LEKR1: variants seen among roughly 807,000 people sequenced by gnomAD.
LEKR1 encodes leucine, glutamate and lysine rich 1.
A neutral mutation model predicts 72.4 loss-of-function variants in LEKR1; 59 were observed. That is an observed-to-expected ratio of 0.82 (90% CI 0.66 to 1.01). The LOEUF (loss-of-function observed/expected upper bound fraction) is 1.01. Among genes scored for constraint, LEKR1 ranks in the 50% least tolerant of loss-of-function variants. The pLI is 0.00. For missense variants in LEKR1, 728 were observed against 759.2 expected (o/e 0.96, Z 0.48); for synonymous variants, 257 against 263.2 (o/e 0.98, Z 0.23).
chr3:156,941,582 G>T (rs115024604), intron 5 of LEKR1, among the ~76,000 whole-genome samples: 1 of 151,974 alleles, frequency 6.6e-6, no homozygotes, highest in Non-Finnish European at 1.5e-5. Context: ...TTGACATCTC[G>T]TCACATGTTG....
chr3:156,977,892 A>T (rs895987626), intron 6 of LEKR1: 1 of 174,106 alleles, frequency 5.7e-6, no homozygotes, highest in African/African-American at 2.4e-5. Flanking sequence ...TCCCACCATT[A>T]TCTATCACAC....
intron 3 of LEKR1, among the ~76,000 whole-genome samples, chr3:156,905,928 C>G (rs1010935914): frequency 6.6e-6 from 1 of 152,096 alleles, no homozygotes; most frequent in African/African-American, 2.4e-5. Context: ...ATACCTTTGC[C>G]TGTCCGACCT....
chr3:157,037,344 A>T lies in LEKR1; in HGVS notation c.1669-7996A>T, dbSNP rs550477242. Among the ~76,000 whole-genome samples, 5 of 152,302 alleles carry T rather than the reference A, an allele frequency of 3.3e-5. 1 individual carries two copies. Among genetic ancestry groups the T allele is most frequent in the African/African-American group, 1.2e-4 (5 of 41,566 alleles). ...TAGCTATATGTAATCCATTAATTTT[A>T]AAAAATTAAAAATAATAGAAAGGAA... On this transcript the variant is annotated intron_variant, in intron 12 of 12. Coordinates refer to ENST00000356539, the MANE Select transcript of LEKR1 (RefSeq NM_001004316.3).
intron 12 of LEKR1, among the ~76,000 whole-genome samples, chr3:157,042,616 G>A (rs1474216715): frequency 1.3e-5 from 2 of 152,148 alleles, no homozygotes; most frequent in South Asian, 2.1e-4. Context: ...CTTTTTGGTT[G>A]TTTTCTCCAG....
intron 7 of LEKR1, among the ~76,000 whole-genome samples, chr3:156,989,086 C>A (rs971897218): frequency 6.6e-6 from 1 of 152,154 alleles, no homozygotes; most frequent in African/African-American, 2.4e-5. Flanking sequence ...TGCCTTGGCT[C>A]CCAAAGTGCT....
intron 3 of LEKR1, 109 bp from the exon 4 acceptor site, chr3:156,920,466 C>A: frequency 1.5e-6 from 1 of 678,730 alleles, no homozygotes; most frequent in Non-Finnish European, 2.4e-6. Context: ...ATATAAGAGA[C>A]ATAGTTTCTT....
intron 10 of LEKR1, among the ~76,000 whole-genome samples, chr3:157,015,478 C>CA (rs1210249760): frequency 6.6e-6 from 1 of 152,110 alleles, no homozygotes; most frequent in Non-Finnish European, 1.5e-5. Context: ...TCTTGCATCA[C>CA]AAGTTGAGAA....
chr3:157,010,219 T>C (rs969463796), intron 9 of LEKR1, among the ~76,000 whole-genome samples: 3 of 152,032 alleles, frequency 2.0e-5, no homozygotes, highest in African/African-American at 7.2e-5. Flanking sequence ...ATTACAACTC[T>C]GATATTTTTT....
intron 3 of LEKR1, among the ~76,000 whole-genome samples, chr3:156,864,577 T>G (rs1456842003): frequency 6.6e-6 from 1 of 152,056 alleles, no homozygotes; most frequent in African/African-American, 2.4e-5. Flanking sequence ...GACTTACTGC[T>G]TTCATTTTCT....
At chr3:156,941,858 C>A (rs1319325107) in intron 5 of LEKR1, among the ~76,000 whole-genome samples, 1 of 151,930 alleles carries the variant, frequency 6.6e-6, no homozygotes, top group Non-Finnish European at 1.5e-5. Flanking sequence ...CCATGCATTT[C>A]TCATGAAATT....
At chr3:156,911,158 A>G (rs954246261) in intron 3 of LEKR1, among the ~76,000 whole-genome samples, 3 of 147,136 alleles carry the variant, frequency 2.0e-5, no homozygotes, top group Admixed American at 1.3e-4. Context: ...CTTTTGAGAA[A>G]TATTTTTTCT....
intron 3 of LEKR1, among the ~76,000 whole-genome samples, chr3:156,901,711 GA>G (rs1485844200): frequency 6.6e-6 from 1 of 151,966 alleles, no homozygotes. Context: ...TTTTGAGACG[GA>G]GTCTCACTCT....
intron 5 of LEKR1, among the ~76,000 whole-genome samples, chr3:156,936,757 G>C (rs1367589748): frequency 6.6e-6 from 1 of 152,024 alleles, no homozygotes; most frequent in Non-Finnish European, 1.5e-5. Context: ...AAATGATGCT[G>C]GAACAATTGG....
At chr3:156,839,448 T>G (rs1713601958) in intron 2 of LEKR1, among the ~76,000 whole-genome samples, 1 of 152,194 alleles carries the variant, frequency 6.6e-6, no homozygotes, top group South Asian at 2.1e-4. Context: ...AACAAGAAAT[T>G]CCTTCTAGAG....
chr3:156,949,079 C>T (rs765897901), intron 6 of LEKR1, among the ~76,000 whole-genome samples: 31 of 151,114 alleles, frequency 2.1e-4, no homozygotes, highest in South Asian at 4.1e-4. Context: ...CTGCTGCATA[C>T]TTTGCAAATT....
chr3:156,945,188 A>T (rs1489656674), intron 6 of LEKR1, among the ~76,000 whole-genome samples: 1 of 151,824 alleles, frequency 6.6e-6, no homozygotes, highest in African/African-American at 2.4e-5. Context: ...ACACCTTTCC[A>T]TATACCTGTT....
chr3:156,981,301 T>G (rs764630637), intron 7 of LEKR1, among the ~76,000 whole-genome samples: 5 of 152,178 alleles, frequency 3.3e-5, no homozygotes, highest in African/African-American at 7.2e-5. Flanking sequence ...CTTTGTGGTA[T>G]TTTTGTTTAT....
chr3:156,978,487 G>T (rs1729897216), intron 6 of LEKR1, among the ~76,000 whole-genome samples: 1 of 152,116 alleles, frequency 6.6e-6, no homozygotes, highest in African/African-American at 2.4e-5. Context: ...TGGGGCTGGG[G>T]TTCAGATCAC....
At chr3:157,017,292 G>C (rs1031812109) in intron 10 of LEKR1, 3 of 152,190 alleles carry the variant, frequency 2.0e-5, no homozygotes, top group Admixed American at 6.5e-5. Flanking sequence ...GTTTATCTTG[G>C]ATAAAAATGC....
Sources: gnomAD v4.1 joint callset for allele counts (sites outside exome capture counted in the v4.1 genomes callset) on GRCh38, gnomAD v4.1.1 for gene constraint, MANE v1.5 for transcripts, NCBI Gene and HGNC (gene_info 2026-07-23, HGNC 2026-07-21) for gene names.